Variants in CACNG3 observed in about 807,000 individuals in gnomAD.
CACNG3 encodes calcium voltage-gated channel auxiliary subunit gamma 3, also known as voltage-dependent calcium channel gamma-3 subunit.
In CACNG3, 3 loss-of-function variants were observed where a neutral mutation model predicts 28.5. The ratio of observed to expected loss-of-function variants is 0.11; its 90% CI spans 0.05 to 0.27. CACNG3 has a LOEUF of 0.27. Among genes scored for constraint, CACNG3 ranks in the 10% least tolerant of loss-of-function variants. The pLI is 1.00. For synonymous variants in CACNG3, 174 were observed against 162.2 expected (o/e 1.07, Z -0.55); for missense variants, 236 against 414.4 (o/e 0.57, Z 3.74).
At position 24,355,492 on chromosome 16, in the gene CACNG3, G is replaced by A. The variant is rs143874909; in HGVS notation, c.436+519G>A. On this transcript the variant is annotated intron_variant, in intron 3 of 3. Coordinates refer to ENST00000005284, the MANE Select transcript of CACNG3 (RefSeq NM_006539.4). ...CAGCTACTCAGGAAGCTGAGGTGGG[G>A]GGATCACTTGAGCCCAGGACGTCAA... Among the ~76,000 whole-genome samples, 1,031 of 152,166 alleles carry A rather than the reference G, an allele frequency of 6.8e-3. 9 individuals are homozygous for A. The highest frequency in any genetic ancestry group is 0.024 in the African/African-American group (982 of 41,514).
chr16:24,339,387 C>CTTT (rs1172337482), intron 1 of CACNG3, among the ~76,000 whole-genome samples: 2 of 143,310 alleles, frequency 1.4e-5, no homozygotes, highest in Non-Finnish European at 3.1e-5. Flanking sequence ...CTGCTTCTTC[C>CTTT]TTTTTTTTTT....
At chr16:24,265,347 AAAG>A (rs1898587123) in intron 1 of CACNG3, among the ~76,000 whole-genome samples, 4 of 87,522 alleles carry the variant, frequency 4.6e-5, no homozygotes, top group African/African-American at 3.2e-4. Flanking sequence ...AAAGAAAGAA[AAAG>A]GAAAGAAAGA....
At chr16:24,275,699 T>C (rs1217933304) in intron 1 of CACNG3, among the ~76,000 whole-genome samples, 1 of 152,216 alleles carries the variant, frequency 6.6e-6, no homozygotes, top group Non-Finnish European at 1.5e-5. Flanking sequence ...TTGCCAAGGA[T>C]AAAAATTCAA....
intron 1 of CACNG3, among the ~76,000 whole-genome samples, chr16:24,334,084 T>C (rs1026944628): frequency 6.6e-6 from 1 of 152,174 alleles, no homozygotes; most frequent in Non-Finnish European, 1.5e-5. Context: ...TTAACCCAAG[T>C]ACTCAGGAAG....
chr16:24,292,232 C>T (rs930620518), intron 1 of CACNG3, among the ~76,000 whole-genome samples: 10 of 152,106 alleles, frequency 6.6e-5, no homozygotes, highest in Non-Finnish European at 1.0e-4. Flanking sequence ...TCAATCGTTC[C>T]TCAAGGGGAG....
chr16:24,331,781 A>G lies in CACNG3; in HGVS notation c.212-14953A>G, dbSNP rs530733520. Among the ~76,000 whole-genome samples, 7 of 152,238 alleles carry G rather than the reference A, an allele frequency of 4.6e-5. No individual in the cohort carries two copies. In the East Asian group the frequency reaches 1.2e-3, roughly 25 times the overall value. On this transcript the variant is annotated intron_variant, in intron 1 of 3. Coordinates refer to ENST00000005284, the MANE Select transcript of CACNG3 (RefSeq NM_006539.4). ...CTTGTCTTGGTTCTAGAAACACACTAAAGTGCCATACTTCCCCAAGGCCTT... is the reference window on the plus strand; with the variant it reads ...CTTGTCTTGGTTCTAGAAACACACTGAAGTGCCATACTTCCCCAAGGCCTT...
At chr16:24,315,638 TTCTC>T (rs981556249) in intron 1 of CACNG3, among the ~76,000 whole-genome samples, 3 of 149,890 alleles carry the variant, frequency 2.0e-5, no homozygotes, top group East Asian at 3.9e-4. Context: ...CTCTCTTCCT[TTCTC>T]TCTCTCTCTC....
At chr16:24,337,509 A>G (rs1899728280) in intron 1 of CACNG3, among the ~76,000 whole-genome samples, 1 of 152,028 alleles carries the variant, frequency 6.6e-6, no homozygotes, top group African/African-American at 2.4e-5. Context: ...ACAGATGACA[A>G]GGGCTTTAAG....
intron 1 of CACNG3, among the ~76,000 whole-genome samples, chr16:24,258,847 A>C (rs1164728897): frequency 1.3e-5 from 2 of 152,238 alleles, no homozygotes; most frequent in Admixed American, 1.3e-4. Flanking sequence ...CTGAGAATGC[A>C]CAATTAAAAA....
At chr16:24,283,905 T>C (rs148542518) in intron 1 of CACNG3, among the ~76,000 whole-genome samples, 1,793 of 152,314 alleles carry the variant, frequency 0.012, 15 homozygotes, top group Non-Finnish European at 0.019. Flanking sequence ...GTATTTGTTA[T>C]TGGTTTAGAT....
At chr16:24,302,536 C>T (rs1490605834) in intron 1 of CACNG3, among the ~76,000 whole-genome samples, 1 of 152,008 alleles carries the variant, frequency 6.6e-6, no homozygotes, top group Non-Finnish European at 1.5e-5. Flanking sequence ...CTCCCTGCAG[C>T]CTTGAACTCC....
At chr16:24,339,919 A>G (rs914079865) in intron 1 of CACNG3, among the ~76,000 whole-genome samples, 4 of 152,212 alleles carry the variant, frequency 2.6e-5, no homozygotes, top group Non-Finnish European at 5.9e-5. Context: ...AGTTACAGCT[A>G]GAAGGGAGGA....
chr16:24,312,519 T>A (rs1233471081), intron 1 of CACNG3, among the ~76,000 whole-genome samples: 1 of 152,076 alleles, frequency 6.6e-6, no homozygotes, highest in Non-Finnish European at 1.5e-5. Context: ...GAGGACTAAA[T>A]GAAAGTATGC....
In CACNG3 at chr16:24,270,411, A is replaced by G. The variant is rs998135208; in HGVS notation, c.211+13446A>G. Among the ~76,000 whole-genome samples the G allele has an allele frequency of 5.9e-5, 9 of 152,250 alleles. 1 individual carries two copies. The highest frequency in any genetic ancestry group is 4.6e-4 in the Admixed American group (7 of 15,286). Reference sequence around the variant, plus strand: ...TTTTTCAAAATGTTACTTTTCACCAAAGATGAATCTGGCAGGCAATCAAAA... The same window carrying G: ...TTTTTCAAAATGTTACTTTTCACCAGAGATGAATCTGGCAGGCAATCAAAA... On this transcript the variant is annotated intron_variant, in intron 1 of 3. Coordinates refer to ENST00000005284, the MANE Select transcript of CACNG3 (RefSeq NM_006539.4).
chr16:24,288,045 G>A (rs1400334354), intron 1 of CACNG3, among the ~76,000 whole-genome samples: 1 of 152,198 alleles, frequency 6.6e-6, no homozygotes, highest in Non-Finnish European at 1.5e-5. Flanking sequence ...GCCTACTTCT[G>A]TGTTAGGCAG....
rs1898462889 is a variant in CACNG3 at position 24,256,563 on chromosome 16, G to A, written c.-192G>A. ...GCCTGCACCCTTCCGAGGGCCATAG[G>A]CGACCCAGGGAACTGGAGAGAGCTC... On this transcript the variant is annotated 5_prime_UTR_variant, in exon 1 of 4. Transcript: ENST00000005284. This position sits in a 1 kb window ranked among gnomAD's most constrained non-coding sequence, Gnocchi z 4.6. 1.7e-6 allele frequency: 1 copy of A among 593,194 alleles called. No homozygotes were observed. The highest frequency in any genetic ancestry group is 3.0e-6 in the Non-Finnish European group (1 of 332,654). 36.7% of individuals were successfully genotyped at this position (593,194 alleles called of 1,614,324 possible).
intron 1 of CACNG3, among the ~76,000 whole-genome samples, chr16:24,262,729 C>A (rs184220163): frequency 1.3e-5 from 2 of 152,342 alleles, no homozygotes; most frequent in Admixed American, 6.5e-5. Flanking sequence ...AAACTTACTC[C>A]TCTTCTTTCT....
At chr16:24,265,152 G>A (rs977928501) in intron 1 of CACNG3, among the ~76,000 whole-genome samples, 4 of 152,092 alleles carry the variant, frequency 2.6e-5, no homozygotes, top group African/African-American at 9.7e-5. Context: ...TGAAGTGGGA[G>A]GATGATTAGA....
intron 1 of CACNG3, among the ~76,000 whole-genome samples, chr16:24,264,965 A>AT (rs755822075): frequency 1.8e-4 from 27 of 152,200 alleles, no homozygotes; most frequent in African/African-American, 3.1e-4. Context: ...TCTGCAGGCC[A>AT]TGGTGGATCA....
Sources: gnomAD v4.1 joint callset for allele counts (sites outside exome capture counted in the v4.1 genomes callset) on GRCh38, gnomAD v4.1.1 for gene constraint, Gnocchi (gnomAD v3.1) non-coding constraint, MANE v1.5 for transcripts, NCBI Gene and HGNC (gene_info 2026-07-23, HGNC 2026-07-21) for gene names.